FMN2: variants seen among roughly 807,000 people sequenced by gnomAD.
FMN2 encodes the protein formin 2, also known as formin-2.
In FMN2, 51 loss-of-function variants were observed where a neutral mutation model predicts 142.3. The observed-to-expected ratio is 0.36, with a 90% CI of 0.29 to 0.45. FMN2 has a LOEUF of 0.45. FMN2 is among the 20% of genes least tolerant of loss of function. The pLI, the probability that FMN2 is intolerant of heterozygous loss-of-function variation, is 1.00. For synonymous variants in FMN2, 882 were observed against 869.8 expected, an observed-to-expected ratio of 1.01 and a Z score of -0.25; for missense variants, 1,936 against 2,122.8, an observed-to-expected ratio of 0.91 and a Z score of 1.73.
At chr1:240,145,268 G>A in intron 2 of FMN2, 1 of 1,436,180 alleles carries the variant, frequency 7.0e-7, no homozygotes. Flanking sequence ...CTTGTCCCCG[G>A]CATCCCGCCG....
intron 2 of FMN2, among the ~76,000 whole-genome samples, chr1:240,156,326 T>TAA (rs373933678): frequency 8.5e-5 from 13 of 152,212 alleles, no homozygotes; most frequent in African/African-American, 2.9e-4. Flanking sequence ...TTGAGGCAGA[T>TAA]AAAAAAAATC....
chr1:240,239,463 T>C (rs1371331850), intron 6 of FMN2, among the ~76,000 whole-genome samples: 1 of 152,242 alleles, frequency 6.6e-6, no homozygotes, highest in African/African-American at 2.4e-5. Flanking sequence ...CTCACTGACA[T>C]GCCACTGTTT....
intron 14 of FMN2, among the ~76,000 whole-genome samples, chr1:240,389,509 T>C (rs780603495): frequency 1.3e-5 from 2 of 152,206 alleles, no homozygotes; most frequent in Non-Finnish European, 2.9e-5. Context: ...GCTTGCTCCA[T>C]AAATGAATGG....
chr1:240,189,435 A>G (rs1381658295), intron 4 of FMN2, among the ~76,000 whole-genome samples: 1 of 152,184 alleles, frequency 6.6e-6, no homozygotes, highest in African/African-American at 2.4e-5. Context: ...ACAAGCTTAG[A>G]TTACCTGGGA....
At chr1:240,096,671 A>G (rs1007669948) in intron 1 of FMN2, among the ~76,000 whole-genome samples, 10 of 152,242 alleles carry the variant, frequency 6.6e-5, no homozygotes, top group Admixed American at 5.9e-4. Context: ...CATTATATCT[A>G]TAAGCTTCCA....
At chr1:240,418,290 C>G (rs552344454) in intron 15 of FMN2, among the ~76,000 whole-genome samples, 17 of 151,378 alleles carry the variant, frequency 1.1e-4, no homozygotes, top group Non-Finnish European at 2.4e-4. Flanking sequence ...ACCTCCACCT[C>G]CCGGGTTCAA....
chr1:240,173,857 G>C (rs961612662), intron 2 of FMN2, among the ~76,000 whole-genome samples: 27 of 152,262 alleles, frequency 1.8e-4, no homozygotes, highest in Admixed American at 6.5e-4. Context: ...TTTATAGAGT[G>C]CTTTTAGCAT....
intron 15 of FMN2, among the ~76,000 whole-genome samples, chr1:240,422,785 T>C (rs1674816600): frequency 6.6e-6 from 1 of 152,198 alleles, no homozygotes; most frequent in Non-Finnish European, 1.5e-5. Context: ...CTGACTATAA[T>C]GGTCTGATTC....
intron 14 of FMN2, among the ~76,000 whole-genome samples, chr1:240,357,405 CA>C (rs1410830472): frequency 1.3e-5 from 2 of 152,138 alleles, no homozygotes; most frequent in African/African-American, 2.4e-5. Flanking sequence ...TTATGTTTTG[CA>C]ACACATTTGG....
At chr1:240,263,128 A>G (rs945883000) in intron 7 of FMN2, among the ~76,000 whole-genome samples, 3 of 152,160 alleles carry the variant, frequency 2.0e-5, no homozygotes, top group African/African-American at 7.2e-5. Context: ...CAAGTTTCAG[A>G]CTGAACCCTC....
At chr1:240,404,655 G>A (rs9287235) in intron 15 of FMN2, among the ~76,000 whole-genome samples, 139,560 of 152,202 alleles carry the variant, frequency 0.92, 64,236 homozygotes, top group East Asian at 1. Context: ...TTTTCGGGCC[G>A]TGTGGTAAGT....
chr1:240,173,702 G>A (rs1054907342), intron 2 of FMN2, among the ~76,000 whole-genome samples: 2 of 152,094 alleles, frequency 1.3e-5, no homozygotes. Context: ...GAAGAAATCT[G>A]TTTTGCTTAT....
intron 15 of FMN2, among the ~76,000 whole-genome samples, chr1:240,408,254 A>G (rs1453388824): frequency 6.6e-6 from 1 of 152,226 alleles, no homozygotes; most frequent in African/African-American, 2.4e-5. Context: ...TATTTGACAT[A>G]GTTTTCAAAA....
chr1:240,312,552 T>G (rs1413017432), intron 8 of FMN2, among the ~76,000 whole-genome samples: 1 of 152,182 alleles, frequency 6.6e-6, no homozygotes, highest in African/African-American at 2.4e-5. Flanking sequence ...CAAAAAACAT[T>G]TACCAGATGA....
chr1:240,143,180 A>T (rs943880567), intron 2 of FMN2: 160 of 1,585,176 alleles, frequency 1.0e-4, no homozygotes, highest in Non-Finnish European at 1.2e-4. Flanking sequence ...CCAGACGGGC[A>T]TTATTGGTAC....
At chr1:240,143,083 A>C in intron 2 of FMN2, 1 of 1,521,008 alleles carries the variant, frequency 6.6e-7, no homozygotes, top group Admixed American at 1.7e-5. Flanking sequence ...CCCTTCCCTA[A>C]ATGTGTCAGG....
intron 8 of FMN2, among the ~76,000 whole-genome samples, chr1:240,314,206 A>T (rs1467910220): frequency 6.6e-6 from 1 of 152,186 alleles, no homozygotes; most frequent in African/African-American, 2.4e-5. Flanking sequence ...CAGAAAACAC[A>T]TCATAAGGCA....
intron 15 of FMN2, among the ~76,000 whole-genome samples, chr1:240,424,070 G>A (rs1206244858): frequency 6.6e-6 from 1 of 152,172 alleles, no homozygotes; most frequent in Non-Finnish European, 1.5e-5. Context: ...ATTTCTTTCA[G>A]CATGTCTCTT....
At chr1:240,345,267 GT>G (rs1444585525) in intron 13 of FMN2, among the ~76,000 whole-genome samples, 5 of 152,240 alleles carry the variant, frequency 3.3e-5, no homozygotes, top group South Asian at 4.1e-4. Context: ...AAATATGAGA[GT>G]GTAAATGTCA....
Sources: allele counts gnomAD v4.1 joint callset (sites outside exome capture counted in the v4.1 genomes callset), GRCh38; gene constraint gnomAD v4.1.1; transcripts MANE v1.5; gene names NCBI Gene and HGNC (gene_info 2026-07-23, HGNC 2026-07-21).